Variants in SATB2 observed in about 807,000 individuals in gnomAD.
SATB2 encodes the protein DNA-binding protein SATB2.
SATB2 carries 1 observed loss-of-function variant against 73.4 expected under a neutral mutation model. The ratio of observed to expected loss-of-function variants is 0.01; its 90% CI spans 0.00 to 0.06. The LOEUF (loss-of-function observed/expected upper bound fraction) is 0.06, where lower values mean the gene tolerates loss of function less well. Ranked by LOEUF, SATB2 falls within the 10% of genes least tolerant of loss-of-function variation. The pLI is 1.00. For synonymous variants in SATB2, 397 were observed against 367.0 expected, an observed-to-expected ratio of 1.08 and a Z score of -0.93; for missense variants, 459 against 945.8, an observed-to-expected ratio of 0.49 and a Z score of 6.75.
chr2:199,458,303 G>A (rs1692356906), upstream of SATB2: 1 of 235,148 alleles, frequency 4.3e-6, no homozygotes, highest in Non-Finnish European at 8.6e-6. Context: ...GCGACCCAAC[G>A]GCGGCGGGGC....
At chr2:199,361,379 G>T (rs1217178348) in intron 6 of SATB2, among the ~76,000 whole-genome samples, 1 of 151,550 alleles carries the variant, frequency 6.6e-6, no homozygotes, top group African/African-American at 2.4e-5. Flanking sequence ...CTCTTGCATT[G>T]GTGGCTTCCT....
chr2:199,437,795 AG>A (rs774425487), intron 2 of SATB2, among the ~76,000 whole-genome samples: 1 of 152,234 alleles, frequency 6.6e-6, no homozygotes, highest in Non-Finnish European at 1.5e-5. Context: ...CATTTTACAG[AG>A]GAAAAAAATT....
chr2:199,271,974 C>CT lies in SATB2; in HGVS notation c.*236dup. ...GGGATAAAGTGTAACGCTTTAGTGT[C>CT]TTTGCCAAGGCGATGTCTGATTCGG... On this transcript the variant is annotated 3_prime_UTR_variant, in exon 11 of 11. Transcript: ENST00000417098. 1.8e-6 allele frequency: 1 copy of CT among 569,562 alleles called. No homozygotes were observed. 35.3% of individuals were successfully genotyped at this position (569,562 alleles called of 1,614,324 possible).
upstream of SATB2, chr2:199,458,199 G>T (rs1385730809): frequency 9.4e-6 from 2 of 211,764 alleles, no homozygotes; most frequent in African/African-American, 4.9e-5. Flanking sequence ...AGAGGGGAGT[G>T]GGGGGCGGGG....
chr2:199,339,910 G>A (rs1337771911), intron 7 of SATB2, among the ~76,000 whole-genome samples: 1 of 152,202 alleles, frequency 6.6e-6, no homozygotes, highest in Admixed American at 6.5e-5. Flanking sequence ...GGATTTTCAT[G>A]TTATTGCTAC....
At chr2:199,450,587 G>C (rs1206335880) in intron 2 of SATB2, among the ~76,000 whole-genome samples, 1 of 152,036 alleles carries the variant, frequency 6.6e-6, no homozygotes, top group Non-Finnish European at 1.5e-5. Flanking sequence ...TTAATGGTGA[G>C]AAATTTTATT....
chr2:199,369,677 C>A (rs1015791068), intron 5 of SATB2, among the ~76,000 whole-genome samples: 5 of 152,044 alleles, frequency 3.3e-5, no homozygotes, highest in Admixed American at 3.3e-4. Flanking sequence ...AAAAAGTTAG[C>A]CCCAGACATA....
At chr2:199,334,957 T>C (rs1201123087) in intron 7 of SATB2, among the ~76,000 whole-genome samples, 2 of 152,124 alleles carry the variant, frequency 1.3e-5, no homozygotes, top group Non-Finnish European at 2.9e-5. Context: ...CCCTGGGTTC[T>C]GTATTCATAA....
At chr2:199,430,207 T>G (rs778464507) in intron 3 of SATB2, among the ~76,000 whole-genome samples, 4 of 152,058 alleles carry the variant, frequency 2.6e-5, no homozygotes, top group Non-Finnish European at 5.9e-5. Context: ...GAAGAAAGAA[T>G]AGTAAAGGAA....
chr2:199,279,985 A>G (rs1167307216), intron 10 of SATB2, among the ~76,000 whole-genome samples: 1 of 152,200 alleles, frequency 6.6e-6, no homozygotes, highest in Non-Finnish European at 1.5e-5. Context: ...TACTAAAAAT[A>G]CAAAAATTAG....
intron 3 of SATB2, among the ~76,000 whole-genome samples, chr2:199,423,317 T>C (rs188256682): frequency 5.3e-5 from 8 of 152,198 alleles, no homozygotes; most frequent in African/African-American, 1.2e-4. Context: ...TAACACATAA[T>C]AGACACTTGA....
intron 3 of SATB2, among the ~76,000 whole-genome samples, chr2:199,420,552 C>G (rs955963236): frequency 2.0e-5 from 3 of 152,080 alleles, no homozygotes; most frequent in Admixed American, 6.6e-5. Context: ...TGTGCCACCC[C>G]AAATGTTTTA....
intron 6 of SATB2, among the ~76,000 whole-genome samples, chr2:199,358,295 CA>C (rs1026381381): frequency 2.6e-5 from 4 of 151,064 alleles, no homozygotes; most frequent in East Asian, 1.9e-4. Context: ...ATTTATTATA[CA>C]AAAAAAAATT....
upstream of SATB2, chr2:199,458,690 C>G (rs1472771868): frequency 2.3e-6 from 1 of 443,096 alleles, no homozygotes; most frequent in African/African-American, 2.1e-5. Context: ...TGCCTCGGCT[C>G]CCAGCTCTGT....
intron 2 of SATB2, among the ~76,000 whole-genome samples, chr2:199,443,539 CAAA>C (rs10598063): frequency 3.8e-3 from 501 of 133,228 alleles, no homozygotes; most frequent in Non-Finnish European, 5.0e-3. Flanking sequence ...AAAGTTATAG[CAAA>C]AAAAAAAAAA....
At chr2:199,370,629 G>A (rs13028839) in intron 5 of SATB2, among the ~76,000 whole-genome samples, 11,928 of 151,940 alleles carry the variant, frequency 0.079, 563 homozygotes, top group East Asian at 0.15. Flanking sequence ...CCCATAATAC[G>A]AGGCCACAAG....
At chr2:199,420,139 C>T (rs1016633012) in intron 3 of SATB2, among the ~76,000 whole-genome samples, 9 of 152,164 alleles carry the variant, frequency 5.9e-5, no homozygotes, top group African/African-American at 2.2e-4. Context: ...CACTTACTTG[C>T]TGTGTACCCT....
intron 2 of SATB2, among the ~76,000 whole-genome samples, chr2:199,453,172 A>C (rs1692179327): frequency 6.6e-6 from 1 of 152,128 alleles, no homozygotes; most frequent in African/African-American, 2.4e-5. Flanking sequence ...GTATATTTAA[A>C]CTATATTTAC....
At chr2:199,345,185 C>G (rs539045978) in intron 7 of SATB2, among the ~76,000 whole-genome samples, 29 of 152,076 alleles carry the variant, frequency 1.9e-4, no homozygotes, top group Non-Finnish European at 3.4e-4. Context: ...CCTGACTCTT[C>G]CATTTCCTGT....
Sources: gnomAD v4.1 joint callset for allele counts (sites outside exome capture counted in the v4.1 genomes callset) on GRCh38, gnomAD v4.1.1 for gene constraint, MANE v1.5 for transcripts, NCBI Gene and HGNC (gene_info 2026-07-23, HGNC 2026-07-21) for gene names.